The following CEP83 variants were observed in gnomAD, a reference collection of about 807,000 sequenced individuals.
CEP83 encodes the protein centrosomal protein of 83 kDa.
Under a neutral mutation model 101.9 loss-of-function variants are expected in CEP83, and 70 were observed. That is an observed-to-expected ratio of 0.69 (90% confidence interval 0.57 to 0.84). CEP83 has a LOEUF of 0.84. Ranked by LOEUF, CEP83 falls within the 40% of genes least tolerant of loss-of-function variation. The probability of loss-of-function intolerance (pLI) is 0.00; values close to 1 mark genes in which losing one functional copy is unlikely to be tolerated. For missense variants in CEP83, 715 were observed against 787.2 expected, an observed-to-expected ratio of 0.91 and a Z score of 1.10; for synonymous variants, 264 against 267.9, an observed-to-expected ratio of 0.99 and a Z score of 0.14.
At chr12:94,381,784 C>A (rs900472841) in intron 6 of CEP83, among the ~76,000 whole-genome samples, 1 of 151,994 alleles carries the variant, frequency 6.6e-6, no homozygotes, top group Non-Finnish European at 1.5e-5. Flanking sequence ...GATGTCTTTT[C>A]TTTCTTCAGT....
downstream of CEP83, among the ~76,000 whole-genome samples, chr12:94,304,948 T>C (rs1968850321): frequency 1.3e-5 from 2 of 152,358 alleles, no homozygotes; most frequent in South Asian, 4.1e-4. Context: ...TGGCCCCATA[T>C]TTGTAAGCAA....
intron 14 of CEP83, among the ~76,000 whole-genome samples, chr12:94,315,926 C>A (rs1439541228): frequency 6.6e-6 from 1 of 152,036 alleles, no homozygotes; most frequent in African/African-American, 2.4e-5. Flanking sequence ...AGTGTTGATA[C>A]CTGGTAGTTT....
At chr12:94,445,564 AG>A (rs1566231878) in intron 1 of CEP83, among the ~76,000 whole-genome samples, 1 of 152,212 alleles carries the variant, frequency 6.6e-6, no homozygotes, top group African/African-American at 2.4e-5. Context: ...TACCAGACTC[AG>A]GGGAAAAACT....
At chr12:94,452,497 C>T (rs1299185128) in intron 1 of CEP83, among the ~76,000 whole-genome samples, 1 of 152,064 alleles carries the variant, frequency 6.6e-6, no homozygotes, top group African/African-American at 2.4e-5. Context: ...ATCACTAAGC[C>T]ACTTAATTGA....
chr12:94,353,891 AG>A (rs2060318136), intron 11 of CEP83, among the ~76,000 whole-genome samples: 2 of 152,172 alleles, frequency 1.3e-5, no homozygotes, highest in Non-Finnish European at 2.9e-5. Flanking sequence ...TAAAGAGACA[AG>A]GAAGTTCATT....
At chr12:94,275,573 G>A in the CEP83 span, among the ~76,000 whole-genome samples, 3 of 94,696 alleles carry the variant, frequency 3.2e-5, no homozygotes, top group African/African-American at 8.8e-5. Context: ...CTGCTGTTTG[G>A]CCGGGCGCGG....
intron 2 of CEP83, among the ~76,000 whole-genome samples, chr12:94,414,600 G>A (rs1001091439): frequency 2.0e-5 from 3 of 152,166 alleles, no homozygotes; most frequent in African/African-American, 4.8e-5. Flanking sequence ...ACAGTATACT[G>A]TAAACATAAC....
intron 14 of CEP83, among the ~76,000 whole-genome samples, chr12:94,315,412 T>C (rs952170966): frequency 6.6e-6 from 1 of 152,176 alleles, no homozygotes; most frequent in South Asian, 2.1e-4. Context: ...TAGTCTTTTG[T>C]CCATTAAAAC....
intron 1 of CEP83, among the ~76,000 whole-genome samples, chr12:94,444,806 TG>T (rs2138446485): frequency 6.6e-6 from 1 of 152,326 alleles, no homozygotes; most frequent in African/African-American, 2.4e-5. Flanking sequence ...AAGATCAGCC[TG>T]GGCAACATAG....
At chr12:94,267,751 A>C in the CEP83 span, among the ~76,000 whole-genome samples, 1 of 152,232 alleles carries the variant, frequency 6.6e-6, no homozygotes, top group Non-Finnish European at 1.5e-5. Context: ...CAGAAGGTCA[A>C]TATAAAAAAT....
intron 14 of CEP83, among the ~76,000 whole-genome samples, chr12:94,322,136 A>G (rs1343604821): frequency 6.6e-6 from 1 of 152,082 alleles, no homozygotes. Flanking sequence ...GAGGAGTAAC[A>G]GGATCAGGGA....
At chr12:94,301,009 C>A in the CEP83 span, 1 of 1,613,828 alleles carries the variant, frequency 6.2e-7, no homozygotes, top group Non-Finnish European at 8.5e-7. Flanking sequence ...CAGTGATTGC[C>A]CAGGCATTCA....
At chr12:94,282,792 G>A in the CEP83 span, 1 of 169,784 alleles carries the variant, frequency 5.9e-6, no homozygotes, top group Non-Finnish European at 1.3e-5. Flanking sequence ...AACATTCACA[G>A]TAGACCTTGT....
chr12:94,268,588 C>CTTTTTTTTT, the CEP83 span, among the ~76,000 whole-genome samples: 1,706 of 90,792 alleles, frequency 0.019, 59 homozygotes, highest in African/African-American at 0.029. Context: ...AGAATAAGAC[C>CTTTTTTTTT]TTTTTTTTTT....
intron 8 of CEP83, among the ~76,000 whole-genome samples, chr12:94,375,237 C>T (rs2061475395): frequency 6.6e-6 from 1 of 151,972 alleles, no homozygotes; most frequent in Admixed American, 6.6e-5. Flanking sequence ...GAGAGAAAGA[C>T]AGAGGAAGAA....
chr12:94,412,644 C>T (rs2137800453), intron 2 of CEP83, 53 bp from the exon 3 acceptor site: 1 of 543,980 alleles, frequency 1.8e-6, no homozygotes, highest in Non-Finnish European at 3.2e-6. Flanking sequence ...AAACGTAAGC[C>T]TCCTTTAATG....
intron 6 of CEP83, among the ~76,000 whole-genome samples, chr12:94,382,680 C>A (rs1006606861): frequency 6.6e-6 from 1 of 151,702 alleles, no homozygotes; most frequent in African/African-American, 2.4e-5. Context: ...TTATTAATTT[C>A]TAGTTTGATT....
intron 6 of CEP83, among the ~76,000 whole-genome samples, chr12:94,383,857 T>C (rs888754487): frequency 1.3e-5 from 2 of 152,146 alleles, no homozygotes; most frequent in African/African-American, 2.4e-5. Flanking sequence ...TTGAGTGATA[T>C]GTAGAAACTT....
intron 7 of CEP83, 150 bp downstream of exon 7, chr12:94,378,641 C>T (rs983119758): frequency 1.3e-5 from 11 of 839,710 alleles, no homozygotes; most frequent in Non-Finnish European, 2.0e-5. Flanking sequence ...TAGCTTTCTT[C>T]TTTACTAAAA....
Sources: allele counts gnomAD v4.1 joint callset (sites outside exome capture counted in the v4.1 genomes callset), GRCh38; gene constraint gnomAD v4.1.1; transcripts MANE v1.5; gene names NCBI Gene and HGNC (gene_info 2026-07-23, HGNC 2026-07-21).